The following KIF25 variants were observed in gnomAD, a reference collection of about 807,000 sequenced individuals.
KIF25 encodes kinesin-like protein KIF25.
In KIF25, 19 loss-of-function variants were observed where a neutral mutation model predicts 32.9. The ratio of observed to expected loss-of-function variants is 0.58; its 90% CI spans 0.40 to 0.85. The LOEUF (loss-of-function observed/expected upper bound fraction) is 0.85, where lower values mean the gene tolerates loss of function less well. Ranked by LOEUF, KIF25 falls within the 40% of genes least tolerant of loss-of-function variation. The pLI, the probability that KIF25 is intolerant of heterozygous loss-of-function variation, is 0.00. For missense variants in KIF25, 485 were observed against 507.0 expected, an observed-to-expected ratio of 0.96 and a Z score of 0.42; for synonymous variants, 225 against 213.7, an observed-to-expected ratio of 1.05 and a Z score of -0.46.
chr6:168,024,477 G>A (rs1272501319), intron 5 of KIF25, among the ~76,000 whole-genome samples: 2 of 125,414 alleles, frequency 1.6e-5, no homozygotes, highest in South Asian at 2.6e-4. Context: ...GTAATCTGGT[G>A]TTGGGCTAGG....
intron 3 of KIF25, among the ~76,000 whole-genome samples, 181 bp from the exon 4 acceptor site, chr6:168,003,433 C>T (rs1267292969): frequency 1.3e-5 from 2 of 151,732 alleles, no homozygotes; most frequent in African/African-American, 4.9e-5. Flanking sequence ...AGCCAGTGTC[C>T]TGGGAGACCA....
At chr6:168,012,097 A>C (rs1196280974) in intron 4 of KIF25, among the ~76,000 whole-genome samples, 1 of 151,780 alleles carries the variant, frequency 6.6e-6, no homozygotes, top group Non-Finnish European at 1.5e-5. Context: ...TTGTTTTTCT[A>C]TGTTCATTGA....
In KIF25 at chr6:168,042,668, G is replaced by T. The variant is rs1330439785; in HGVS notation, c.937G>T (p.Ala313Ser). The change falls in exon 12 of 13, where the codon GCC becomes TCC. Residue 313 changes from alanine (A) to serine (S), a missense_variant. Ala to Ser is a moderately conservative substitution (Grantham distance 99). Around this residue, in one of 2 missense-constraint regions of KIF25, gnomAD observed 480 missense variants for 470.3 expected, o/e 1.02. Transcript: ENST00000643607. ...LGALLEHRGH[A>S]PYRNSRLTHL... ...GGCTTTGTTGGAGCACCGTGGCCATGCCCCGTACCGGAACAGCAGGCTCAC... is the reference window on the plus strand; with the variant it reads ...GGCTTTGTTGGAGCACCGTGGCCATTCCCCGTACCGGAACAGCAGGCTCAC... 4 of 1,613,530 alleles carry T rather than the reference G, an allele frequency of 2.5e-6. No homozygotes were observed. In the African/African-American group the frequency reaches 5.3e-5, roughly 21 times the overall value.
intron 5 of KIF25, among the ~76,000 whole-genome samples, chr6:168,023,349 G>A (rs891905917): frequency 6.8e-6 from 1 of 146,530 alleles, no homozygotes; most frequent in African/African-American, 2.5e-5. Flanking sequence ...CTCACTGCAA[G>A]CTCCACCTTC....
In KIF25 at chr6:167,998,705, A is replaced by G. The variant is rs1798455986; in HGVS notation, c.-764A>G. On this transcript the variant is annotated 5_prime_UTR_variant, in exon 1 of 13. Coordinates refer to ENST00000643607, the MANE Select transcript of KIF25 (RefSeq NM_030615.4). ...TTTCCTTGGTACTTATTACCAAGGG[A>G]TACCCCTTTGCCAAGTGAACACATT... 1 of 152,240 alleles carries G rather than the reference A, an allele frequency of 6.6e-6. No individual in the cohort carries two copies. The highest frequency in any genetic ancestry group is 1.5e-5 in the Non-Finnish European group (1 of 68,044). The allele number at this position is 152,240 out of a possible 1,614,324, so 9.4% of individuals were successfully genotyped here.
intron 7 of KIF25, among the ~76,000 whole-genome samples, chr6:168,033,360 C>T (rs545453457): frequency 2.6e-5 from 4 of 152,136 alleles, no homozygotes; most frequent in South Asian, 2.1e-4. Flanking sequence ...ATTAGCTGGG[C>T]GTGCTGATGC....
intron 8 of KIF25, among the ~76,000 whole-genome samples, chr6:168,036,333 C>G (rs896397680): frequency 6.6e-6 from 1 of 152,164 alleles, no homozygotes; most frequent in African/African-American, 2.4e-5. Flanking sequence ...TTTAAAAAGT[C>G]TAGAGTGGAA....
At position 168,004,383 on chromosome 6, in the gene KIF25, T is replaced by C. The variant is rs944835508; in HGVS notation, c.-163+680T>C. Among the ~76,000 whole-genome samples the C allele has an allele frequency of 2.0e-5, 3 of 152,304 alleles. No homozygotes were observed. In the East Asian group the frequency reaches 5.8e-4, roughly 29 times the overall value. ...AAGCAGATTGAAATATATAATTATATGTACAATCTTGAGTTCATAATAATG... is the reference window on the plus strand; with the variant it reads ...AAGCAGATTGAAATATATAATTATACGTACAATCTTGAGTTCATAATAATG... On this transcript the variant is annotated intron_variant, in intron 4 of 12. Coordinates refer to ENST00000643607, the MANE Select transcript of KIF25 (RefSeq NM_030615.4).
chr6:168,027,782 C>T (rs962822865), intron 5 of KIF25, among the ~76,000 whole-genome samples: 9 of 152,202 alleles, frequency 5.9e-5, no homozygotes, highest in African/African-American at 2.2e-4. Flanking sequence ...TTCTCTGTGT[C>T]GCGTCTCTTC....
rs764585913 is a variant in KIF25 at position 168,044,880 on chromosome 6, C to G, written c.1039C>G (p.Leu347Val). The G allele has an allele frequency of 2.6e-5, 42 of 1,611,660 alleles. No homozygotes were observed. The highest frequency in any genetic ancestry group is 3.6e-5 in the Non-Finnish European group (42 of 1,178,234). The part of the protein sequence containing the change: ...ILCISPSQRH[L>V]AQTLQGLGFG... Reference sequence around the variant, plus strand: ...CTGCATTTCTCCCAGCCAGAGGCACCTGGCACAGACGTTGCAGGGCCTGGG... The same window carrying G: ...CTGCATTTCTCCCAGCCAGAGGCACGTGGCACAGACGTTGCAGGGCCTGGG... Residue 347 changes from leucine to valine, a missense_variant, in exon 13 of 13, where the codon CTG (leucine) becomes GTG (valine). Physicochemically the swap from Leu to Val is conservative, Grantham distance 32. Transcript: ENST00000643607.
At chr6:168,008,725 GT>G (rs1798609859) in intron 4 of KIF25, among the ~76,000 whole-genome samples, 1 of 151,958 alleles carries the variant, frequency 6.6e-6, no homozygotes, top group Non-Finnish European at 1.5e-5. Flanking sequence ...CTTTCCATTT[GT>G]TTGCATCCTC....
At chr6:168,035,895 C>T (rs1302756443) in intron 8 of KIF25, 11 of 416,166 alleles carry the variant, frequency 2.6e-5, no homozygotes, top group Admixed American at 9.7e-5. Context: ...ACCGTGTCCT[C>T]CCTCATCACA....
intron 5 of KIF25, among the ~76,000 whole-genome samples, chr6:168,023,622 G>A (rs566345168): frequency 1.3e-5 from 2 of 152,050 alleles, no homozygotes; most frequent in East Asian, 3.9e-4. Flanking sequence ...GGCTGGTCTT[G>A]AACTCCTGAA....
intron 8 of KIF25, among the ~76,000 whole-genome samples, chr6:168,037,819 G>A (rs1317474386): frequency 1.3e-5 from 2 of 152,252 alleles, no homozygotes; most frequent in East Asian, 1.9e-4. Context: ...AGGTTCAAGC[G>A]ATTCTCCTGC....
chr6:168,020,109 G>A (rs1038917662), intron 5 of KIF25, among the ~76,000 whole-genome samples: 3 of 147,822 alleles, frequency 2.0e-5, no homozygotes, highest in Non-Finnish European at 4.5e-5. Context: ...CCAGCCTGGT[G>A]ACAGAGTGAG....
chr6:168,020,417 C>T (rs902519170), intron 5 of KIF25, among the ~76,000 whole-genome samples: 2 of 151,760 alleles, frequency 1.3e-5, no homozygotes, highest in Non-Finnish European at 2.9e-5. Context: ...GAGTGTACAA[C>T]GGATTCTGTC....
At chr6:168,040,023 G>C (rs1365036730) in intron 9 of KIF25, 42 bp from the exon 10 acceptor site, 1 of 1,578,710 alleles carries the variant, frequency 6.3e-7, no homozygotes, top group Admixed American at 1.7e-5. Context: ...AGGTAAGGGG[G>C]GCCGCCCTCA....
At chr6:168,023,649 G>A (rs899221788) in intron 5 of KIF25, among the ~76,000 whole-genome samples, 3 of 152,138 alleles carry the variant, frequency 2.0e-5, no homozygotes, top group Non-Finnish European at 4.4e-5. Flanking sequence ...TAATCCATCC[G>A]CCTCAGCCTC....
chr6:168,033,960 C>T lies in KIF25; in HGVS notation c.246C>T (p.Asp82=), dbSNP rs200926588. The T allele has an allele frequency of 2.5e-5, 40 of 1,614,032 alleles. No homozygotes were observed. Among genetic ancestry groups the T allele is most frequent in the African/African-American group, 1.1e-4 (8 of 74,902 alleles). ...CCATGCTGGGACGCCATTCGGACGA[C>T]GGCCCTGTTCTGCCGCTTGACCCAC... is the stretch of plus-strand genomic sequence containing the variant. ...SYTMLGRHSD[D]GPVLPLDPQS... The change falls in exon 8 of 13, where the codon GAC becomes GAT. Residue 82 remains aspartate (D), a synonymous_variant. Coordinates refer to ENST00000643607, the MANE Select transcript of KIF25 (RefSeq NM_030615.4).
Sources: allele counts gnomAD v4.1 joint callset (sites outside exome capture counted in the v4.1 genomes callset), GRCh38; gene constraint gnomAD v4.1.1; regional missense constraint gnomAD v4.1.1; transcripts MANE v1.5; gene names NCBI Gene and HGNC (gene_info 2026-07-23, HGNC 2026-07-21).